The following PRKG1 variants were observed in gnomAD, a reference collection of about 807,000 sequenced individuals.
PRKG1 encodes cGMP-dependent protein kinase 1.
Under a neutral mutation model 88.1 loss-of-function variants are expected in PRKG1, and 35 were observed. The ratio of observed to expected loss-of-function variants is 0.40; its 90% CI spans 0.30 to 0.53. The LOEUF is 0.53. Among genes scored for constraint, PRKG1 ranks in the 20% least tolerant of loss-of-function variants. PRKG1 has a pLI of 0.59. For synonymous variants in PRKG1, 303 were observed against 292.5 expected (o/e 1.04, Z -0.37); for missense variants, 540 against 839.8 (o/e 0.64, Z 4.41).
upstream of PRKG1, among the ~76,000 whole-genome samples, chr10:51,070,239 G>T (rs1267390421): frequency 1.3e-5 from 2 of 151,992 alleles, no homozygotes. Context: ...AATATTAATA[G>T]AATATTAATA....
At chr10:51,129,270 G>A (rs1011022989) in intron 1 of PRKG1, among the ~76,000 whole-genome samples, 1 of 152,050 alleles carries the variant, frequency 6.6e-6, no homozygotes, top group Non-Finnish European at 1.5e-5. Flanking sequence ...GCGGTCAGGA[G>A]TTCAAGACCA....
chr10:51,104,742 A>ATTTG (rs1844785377), intron 1 of PRKG1, among the ~76,000 whole-genome samples: 1 of 141,690 alleles, frequency 7.1e-6, no homozygotes, highest in African/African-American at 2.7e-5. Flanking sequence ...TTATTTATTT[A>ATTTG]TTTTGTGATG....
intron 10 of PRKG1, among the ~76,000 whole-genome samples, chr10:52,254,561 A>G (rs1841263002): frequency 6.6e-6 from 1 of 152,012 alleles, no homozygotes; most frequent in African/African-American, 2.4e-5. Context: ...GAATTTAGAA[A>G]TTTGAATTTT....
intron 2 of PRKG1, among the ~76,000 whole-genome samples, chr10:51,196,268 T>G (rs1837762566): frequency 6.6e-6 from 1 of 152,190 alleles, no homozygotes; most frequent in South Asian, 2.1e-4. Context: ...TATGTATGTG[T>G]GGGGGAGAGG....
chr10:52,171,785 A>ATTTTTTTTTTTTTTTTTTTTTT (rs1358641112), intron 9 of PRKG1, among the ~76,000 whole-genome samples: 1 of 122,642 alleles, frequency 8.2e-6, no homozygotes, highest in African/African-American at 3.6e-5. Flanking sequence ...CTTTTATCAA[A>ATTTTTTTTTTTTTTTTTTTTTT]ATTTTTTTTT....
Position 51,570,067 on chromosome 10 carries a change from A to ATATATACATATATG in PRKG1, c.592+102232_592+102233insATATACATATATGT, listed in dbSNP as rs1491310201. Reference sequence around the variant, plus strand: ...CAAACTAGTATATATATATATATATATGTGTGTGTGTGTTTATATATGTAT... The same window carrying ATATATACATATATG: ...CAAACTAGTATATATATATATATATATATATACATATATGTGTGTGTGTGTGTTTATATATGTAT... On this transcript the variant is annotated intron_variant, in intron 3 of 17. Coordinates refer to ENST00000373980, the MANE Select transcript of PRKG1 (RefSeq NM_006258.4). 3.4e-4 allele frequency among the ~76,000 whole-genome samples: 38 copies of ATATATACATATATG among 113,114 alleles called. 2 individuals carry two copies. The South Asian group carries it at 0.01, about 31-fold the overall frequency. 74.2% of individuals were successfully genotyped at this position (113,114 alleles called of 152,430 possible).
intron 2 of PRKG1, among the ~76,000 whole-genome samples, chr10:51,308,087 A>G (rs142768214): frequency 6.6e-6 from 1 of 152,338 alleles, no homozygotes; most frequent in East Asian, 1.9e-4. Context: ...GGTACATTAA[A>G]TATGTATGTG....
intron 3 of PRKG1, among the ~76,000 whole-genome samples, chr10:51,496,248 A>C (rs1589017111): frequency 6.6e-6 from 1 of 152,300 alleles, no homozygotes; most frequent in Admixed American, 6.5e-5. Context: ...TGTGTGGAAG[A>C]ATAGAGAGGT....
At chr10:52,293,267 C>G (rs940762982) in intron 17 of PRKG1, among the ~76,000 whole-genome samples, 1 of 151,830 alleles carries the variant, frequency 6.6e-6, no homozygotes, top group Admixed American at 6.6e-5. Context: ...AAAGAGGAAA[C>G]AAACAAATGG....
intron 5 of PRKG1, among the ~76,000 whole-genome samples, chr10:51,956,574 A>G (rs1405520024): frequency 1.3e-5 from 2 of 152,108 alleles, no homozygotes; most frequent in Admixed American, 6.6e-5. Flanking sequence ...GGATATTTTC[A>G]TTATACTCTA....
intron 5 of PRKG1, among the ~76,000 whole-genome samples, chr10:52,020,248 G>A (rs1292168845): frequency 6.6e-6 from 1 of 152,060 alleles, no homozygotes; most frequent in Non-Finnish European, 1.5e-5. Flanking sequence ...TTTCTTAACT[G>A]TCTCTCCAGT....
At chr10:52,186,794 T>C (rs1839212336) in intron 9 of PRKG1, among the ~76,000 whole-genome samples, 1 of 152,116 alleles carries the variant, frequency 6.6e-6, no homozygotes, top group African/African-American at 2.4e-5. Flanking sequence ...AATACAAAAT[T>C]ATTTGGGAAA....
chr10:52,102,664 C>T (rs191588096), intron 7 of PRKG1, among the ~76,000 whole-genome samples: 71 of 149,366 alleles, frequency 4.8e-4, no homozygotes, highest in African/African-American at 1.7e-3. Flanking sequence ...CAAGAGCTAA[C>T]AGACAACACA....
At position 52,294,084 on chromosome 10, in the gene PRKG1, C is replaced by G; in HGVS notation, c.*184C>G. On this transcript the variant is annotated 3_prime_UTR_variant, in exon 18 of 18. Transcript: ENST00000373980. ...GCTTAGATGACAATAGTGCTCTTTACATGTTTTCTGTTTGAACCTAAAATA... is the reference window on the plus strand; with the variant it reads ...GCTTAGATGACAATAGTGCTCTTTAGATGTTTTCTGTTTGAACCTAAAATA... 3 of 478,746 alleles carry G rather than the reference C, an allele frequency of 6.3e-6. No individual in the cohort carries two copies. Among genetic ancestry groups the G allele is most frequent in the Non-Finnish European group, 1.1e-5 (3 of 271,600 alleles). The allele number at this position is 478,746 out of a possible 1,614,324, so 29.7% of individuals were successfully genotyped here. A position where few individuals can be genotyped will look rare whatever the true frequency, so the allele number is the denominator to read the frequency against.
chr10:52,093,562 T>C (rs1270349380), intron 7 of PRKG1, among the ~76,000 whole-genome samples: 2 of 152,204 alleles, frequency 1.3e-5, no homozygotes, highest in African/African-American at 2.4e-5. Flanking sequence ...TTTTAACCTT[T>C]AAAATTGCCT....
At position 51,924,952 on chromosome 10, in the gene PRKG1, GTTT is replaced by G. The variant is rs535741223; in HGVS notation, c.762+17392_762+17394del. On this transcript the variant is annotated intron_variant, in intron 5 of 17. Transcript: ENST00000373980. ...CTCACCTGTTCTTGTATGTTGCCTA[GTTT>G]TTTTTTTTTCATTAGAACTCTTAAT... Among the ~76,000 whole-genome samples, 1,410 of 141,044 alleles carry G rather than the reference GTTT, an allele frequency of 1.0e-2. 21 individuals carry two copies. Among genetic ancestry groups the G allele is most frequent in the African/African-American group, 0.033 (1,313 of 39,850 alleles). 92.5% of individuals were successfully genotyped at this position (141,044 alleles called of 152,430 possible). A position where few individuals can be genotyped will look rare whatever the true frequency, so the allele number is the denominator to read the frequency against.
At chr10:51,670,750 A>G (rs898114007) in intron 3 of PRKG1, among the ~76,000 whole-genome samples, 1 of 72,320 alleles carries the variant, frequency 1.4e-5, no homozygotes, top group South Asian at 3.8e-4. Context: ...AAAAATAAAT[A>G]AATAAATAAA....
chr10:52,128,503 T>C lies in PRKG1; in HGVS notation c.936-5337T>C, dbSNP rs1316246156. ...GTGACGCCACTTTGGGATACAGCGA[T>C]GATGAAGATTCCAGTGACGAAGTTC... is the stretch of plus-strand genomic sequence containing the variant. On this transcript the variant is annotated intron_variant, in intron 7 of 17. Coordinates refer to ENST00000373980, the MANE Select transcript of PRKG1 (RefSeq NM_006258.4). 6 of 985,286 alleles carry C rather than the reference T, an allele frequency of 6.1e-6. No individual in the cohort carries two copies. In the South Asian group the frequency reaches 1.4e-4, roughly 23 times the overall value. 61.0% of individuals were successfully genotyped at this position (985,286 alleles called of 1,614,324 possible). A position where few individuals can be genotyped will look rare whatever the true frequency, so the allele number is the denominator to read the frequency against.
rs146002575 is a variant in PRKG1 at position 51,504,272 on chromosome 10, G to C, written c.592+36436G>C. On this transcript the variant is annotated intron_variant, in intron 3 of 17. Transcript: ENST00000373980. Reference sequence around the variant, plus strand: ...AAGAATTCAGGCTTGTCAAAGATCAGATGGTTGTAGACATGTGGCATTATT... The same window carrying C: ...AAGAATTCAGGCTTGTCAAAGATCACATGGTTGTAGACATGTGGCATTATT... Among the ~76,000 whole-genome samples, 5 of 152,288 alleles carry C rather than the reference G, an allele frequency of 3.3e-5. No individual in the cohort carries two copies. The East Asian group carries it at 9.6e-4, about 29-fold the overall frequency.
Sources: allele counts gnomAD v4.1 joint callset (sites outside exome capture counted in the v4.1 genomes callset), GRCh38; gene constraint gnomAD v4.1.1; transcripts MANE v1.5; gene names NCBI Gene and HGNC (gene_info 2026-07-23, HGNC 2026-07-21).